MCTP1: variants seen among roughly 807,000 people sequenced by gnomAD.
The protein encoded by MCTP1 is multiple C2 and transmembrane domain containing 1, also known as multiple C2 and transmembrane domain-containing protein 1.
Under a neutral mutation model 120.6 loss-of-function variants are expected in MCTP1, and 69 were observed. The observed-to-expected ratio is 0.57, with a 90% CI of 0.47 to 0.70. The LOEUF (loss-of-function observed/expected upper bound fraction) is 0.70, where lower values mean the gene tolerates loss of function less well. MCTP1 is among the 30% of genes least tolerant of loss of function. The pLI is 0.00. For missense variants in MCTP1, 1,203 were observed against 1,248.8 expected, an observed-to-expected ratio of 0.96 and a Z score of 0.55; for synonymous variants, 529 against 493.1, an observed-to-expected ratio of 1.07 and a Z score of -0.96.
At chr5:95,038,585 G>A (rs867101181) in intron 1 of MCTP1, among the ~76,000 whole-genome samples, 6 of 152,034 alleles carry the variant, frequency 3.9e-5, no homozygotes, top group African/African-American at 1.4e-4. Flanking sequence ...AGAGTAACCA[G>A]AGAAACCTGA....
chr5:94,965,911 A>G (rs1470826591), intron 2 of MCTP1, among the ~76,000 whole-genome samples: 1 of 152,168 alleles, frequency 6.6e-6, no homozygotes, highest in Non-Finnish European at 1.5e-5. Context: ...CAACAAGGCA[A>G]TATCTTTGAA....
At chr5:95,253,930 TATC>T (rs1757626050) in intron 1 of MCTP1, among the ~76,000 whole-genome samples, 2 of 152,114 alleles carry the variant, frequency 1.3e-5, no homozygotes, top group African/African-American at 2.4e-5. Context: ...AAATACCTAT[TATC>T]ATATTAACTT....
rs767499063 is a variant in MCTP1 at position 95,284,101 on chromosome 5, A to G, written c.475T>C (p.Ser159Pro). Reference protein sequence around the residue: ...GGRSPDSAPSSSSASSSLSSS... With the variant: ...GGRSPDSAPSPSSASSSLSSS... ...GACAGGGAGGATGAGGCGGAGGAAG[A>G]GGAAGGAGCTGAGTCGGGGGAGCGT... is the stretch of plus-strand genomic sequence containing the variant. Residue 159 changes from serine to proline, a missense_variant, in exon 1 of 23, where the codon TCT becomes CCT. By Grantham distance (74) the Ser-to-Pro change is moderately conservative. This residue lies in a region of MCTP1 where 463 missense variants were observed against 377.8 expected (regional missense o/e 1.23). Transcript: ENST00000515393. This position sits in a 1 kb window ranked among gnomAD's most constrained non-coding sequence, Gnocchi z 5.2. 5 of 1,551,168 alleles carry G rather than the reference A, an allele frequency of 3.2e-6. No homozygotes were observed. The Admixed American group carries it at 9.8e-5, about 30-fold the overall frequency.
intron 1 of MCTP1, among the ~76,000 whole-genome samples, chr5:95,154,861 C>T (rs1006947007): frequency 4.0e-5 from 6 of 151,810 alleles, no homozygotes; most frequent in African/African-American, 1.5e-4. Flanking sequence ...TTTGTCATTT[C>T]CATGATTTAT....
chr5:94,918,638 T>G (rs992078552), intron 7 of MCTP1, among the ~76,000 whole-genome samples: 1 of 152,030 alleles, frequency 6.6e-6, no homozygotes, highest in African/African-American at 2.4e-5. Context: ...GGACTGAAAG[T>G]TTATATTACA....
chr5:94,711,000 C>A, intron 20 of MCTP1, 73 bp from the exon 21 acceptor site: 1 of 1,030,000 alleles, frequency 9.7e-7, no homozygotes, highest in Admixed American at 2.1e-5. Flanking sequence ...ACATATGATT[C>A]TAACTTGGGA....
At chr5:94,847,674 GTGTGTGTGTA>G (rs1475564750) in intron 17 of MCTP1, among the ~76,000 whole-genome samples, 20 of 138,558 alleles carry the variant, frequency 1.4e-4, no homozygotes, top group African/African-American at 2.7e-4. Flanking sequence ...GTGTGTGTGT[GTGTGTGTGTA>G]TATATATATA....
At chr5:94,995,059 A>G (rs1034499488) in intron 2 of MCTP1, among the ~76,000 whole-genome samples, 3 of 152,134 alleles carry the variant, frequency 2.0e-5, no homozygotes, top group African/African-American at 7.2e-5. Context: ...CAGACGGCCT[A>G]TTGTGGGACT....
intron 1 of MCTP1, among the ~76,000 whole-genome samples, chr5:95,062,105 T>A (rs1490791767): frequency 2.6e-5 from 4 of 152,242 alleles, no homozygotes; most frequent in African/African-American, 9.6e-5. Context: ...AAATGAAATT[T>A]GAATTCAAGA....
intron 1 of MCTP1, among the ~76,000 whole-genome samples, chr5:95,029,939 G>C (rs1839976766): frequency 1.3e-5 from 2 of 152,202 alleles, no homozygotes; most frequent in Admixed American, 6.5e-5. Flanking sequence ...GGCAAGCACA[G>C]CTTACACAAA....
chr5:94,727,067 G>A (rs1762273500), intron 19 of MCTP1, among the ~76,000 whole-genome samples: 1 of 152,076 alleles, frequency 6.6e-6, no homozygotes, highest in Admixed American at 6.6e-5. Context: ...TTCTAAAAAG[G>A]CACATCTGTT....
intron 17 of MCTP1, among the ~76,000 whole-genome samples, chr5:94,804,424 G>A (rs917396397): frequency 6.6e-6 from 1 of 152,094 alleles, no homozygotes; most frequent in African/African-American, 2.4e-5. Context: ...TATTATTAAT[G>A]TAATGCTTTT....
chr5:95,230,465 C>T (rs1210617685), intron 1 of MCTP1, among the ~76,000 whole-genome samples: 1 of 152,044 alleles, frequency 6.6e-6, no homozygotes, highest in African/African-American at 2.4e-5. Flanking sequence ...TCTTTATTCT[C>T]ATTCTGCTTT....
intron 17 of MCTP1, among the ~76,000 whole-genome samples, chr5:94,846,692 G>C (rs915740297): frequency 6.6e-6 from 1 of 152,026 alleles, no homozygotes; most frequent in African/African-American, 2.4e-5. Flanking sequence ...AGTTGGATTT[G>C]AGTCACCATG....
At position 95,216,761 on chromosome 5, in the gene MCTP1, C is replaced by G. The variant is rs1753090327; in HGVS notation, c.720+67095G>C. 2.0e-5 allele frequency among the ~76,000 whole-genome samples: 3 copies of G among 152,202 alleles called. No individual in the cohort carries two copies. In the South Asian group the frequency reaches 6.2e-4, roughly 32 times the overall value. ...CAGTTGCATTAAGCTGATGGATAAT[C>G]TGGCAACAAGCAAACAGATACTTAT... On this transcript the variant is annotated intron_variant, in intron 1 of 22. Transcript: ENST00000515393.
intron 1 of MCTP1, among the ~76,000 whole-genome samples, chr5:95,279,298 A>C (rs1760120008): frequency 6.6e-6 from 1 of 152,234 alleles, no homozygotes; most frequent in African/African-American, 2.4e-5. Flanking sequence ...TGAATCTGCT[A>C]ATCCCATTTT....
At chr5:95,067,445 A>G (rs551231201) in intron 1 of MCTP1, among the ~76,000 whole-genome samples, 80 of 152,272 alleles carry the variant, frequency 5.3e-4, no homozygotes, top group African/African-American at 1.8e-3. Flanking sequence ...CAACATGAAA[A>G]TAAATGATTT....
intron 1 of MCTP1, among the ~76,000 whole-genome samples, chr5:95,127,402 G>T (rs1438870469): frequency 1.3e-5 from 2 of 152,196 alleles, no homozygotes; most frequent in African/African-American, 4.8e-5. Flanking sequence ...ACCTGCAACA[G>T]TGCCAGGGCA....
chr5:95,065,173 T>C (rs1397557982), intron 1 of MCTP1, among the ~76,000 whole-genome samples: 1 of 152,000 alleles, frequency 6.6e-6, no homozygotes, highest in Non-Finnish European at 1.5e-5. Flanking sequence ...TTAAGAACTG[T>C]TATCAGTAGT....
Sources: gnomAD v4.1 joint callset for allele counts (sites outside exome capture counted in the v4.1 genomes callset) on GRCh38, gnomAD v4.1.1 for gene constraint, gnomAD v4.1.1 regional missense constraint, Gnocchi (gnomAD v3.1) non-coding constraint, MANE v1.5 for transcripts, NCBI Gene and HGNC (gene_info 2026-07-23, HGNC 2026-07-21) for gene names.